SLCO6A1: variants seen among roughly 807,000 people sequenced by gnomAD.
The protein encoded by SLCO6A1 is cancer/testis antigen 48.
Under a neutral mutation model 72.7 loss-of-function variants are expected in SLCO6A1, and 65 were observed. That is an observed-to-expected ratio of 0.89 (90% CI 0.73 to 1.10). The LOEUF (loss-of-function observed/expected upper bound fraction) is 1.10, where lower values mean the gene tolerates loss of function less well. Ranked by LOEUF, SLCO6A1 falls within the 50% of genes least tolerant of loss-of-function variation. The probability of loss-of-function intolerance (pLI) is 0.00; values close to 1 mark genes in which losing one functional copy is unlikely to be tolerated. For synonymous variants in SLCO6A1, 314 were observed against 298.2 expected, an observed-to-expected ratio of 1.05 and a Z score of -0.55; for missense variants, 874 against 872.6, an observed-to-expected ratio of 1.00 and a Z score of -0.02.
At chr5:102,438,821 C>T in intron 6 of SLCO6A1, 60 bp from the exon 7 acceptor site, 1 of 1,243,132 alleles carries the variant, frequency 8.0e-7, no homozygotes, top group Non-Finnish European at 1.1e-6. Flanking sequence ...GAGGAATAGA[C>T]AGAACCAAAT....
intron 6 of SLCO6A1, among the ~76,000 whole-genome samples, chr5:102,443,403 G>A (rs775570950): frequency 2.4e-4 from 36 of 152,074 alleles, no homozygotes; most frequent in Admixed American, 1.3e-4. Flanking sequence ...TCAAAGTTGT[G>A]TTGTTTGAGT....
At chr5:102,451,863 A>C (rs772260013) in intron 6 of SLCO6A1, among the ~76,000 whole-genome samples, 2 of 152,206 alleles carry the variant, frequency 1.3e-5, no homozygotes, top group Non-Finnish European at 2.9e-5. Context: ...AGCTGCTTCT[A>C]GTCAGACATC....
chr5:102,423,186 CCAA>C (rs1748701185), intron 7 of SLCO6A1, among the ~76,000 whole-genome samples: 1 of 152,040 alleles, frequency 6.6e-6, no homozygotes, highest in Non-Finnish European at 1.5e-5. Flanking sequence ...AATATCATGA[CCAA>C]CAACACTATG....
chr5:102,397,930 A>G (rs1747186973), intron 10 of SLCO6A1, among the ~76,000 whole-genome samples: 1 of 152,180 alleles, frequency 6.6e-6, no homozygotes, highest in African/African-American at 2.4e-5. Flanking sequence ...AGTGAGATTC[A>G]GAACTAAACT....
intron 12 of SLCO6A1, among the ~76,000 whole-genome samples, chr5:102,379,790 A>T (rs982682479): frequency 5.4e-5 from 8 of 147,162 alleles, no homozygotes; most frequent in Non-Finnish European, 7.5e-5. Context: ...AAAAAAAAAA[A>T]TTTCTCTTGG....
chr5:102,407,491 A>C (rs2112571338), intron 9 of SLCO6A1, among the ~76,000 whole-genome samples: 1 of 152,306 alleles, frequency 6.6e-6, no homozygotes, highest in Admixed American at 6.5e-5. Flanking sequence ...CAAGGCCAAG[A>C]ACCTTCCCGG....
At chr5:102,375,513 C>T (rs1305146661) in intron 12 of SLCO6A1, among the ~76,000 whole-genome samples, 1 of 151,964 alleles carries the variant, frequency 6.6e-6, no homozygotes, top group African/African-American at 2.4e-5. Context: ...TGTTGCAAGA[C>T]ATATGAAAAA....
intron 6 of SLCO6A1, among the ~76,000 whole-genome samples, chr5:102,454,593 T>A (rs1750601785): frequency 6.6e-6 from 1 of 152,134 alleles, no homozygotes; most frequent in South Asian, 2.1e-4. Context: ...ATTATATGGT[T>A]TTATATCCTG....
intron 4 of SLCO6A1, among the ~76,000 whole-genome samples, chr5:102,473,178 A>G (rs1751718410): frequency 6.6e-6 from 1 of 151,960 alleles, no homozygotes; most frequent in African/African-American, 2.4e-5. Flanking sequence ...CTACAAGAAA[A>G]CTACAGACTA....
chr5:102,397,748 T>C (rs1747174609), intron 10 of SLCO6A1, among the ~76,000 whole-genome samples: 1 of 152,168 alleles, frequency 6.6e-6, no homozygotes, highest in Non-Finnish European at 1.5e-5. Context: ...CTGTTCCTTA[T>C]AACATCTTCT....
intron 7 of SLCO6A1, among the ~76,000 whole-genome samples, chr5:102,430,549 C>A (rs1332083701): frequency 6.6e-6 from 1 of 152,032 alleles, no homozygotes; most frequent in African/African-American, 2.4e-5. Context: ...TTCATCTATT[C>A]AGATGATCAT....
intron 4 of SLCO6A1, among the ~76,000 whole-genome samples, chr5:102,472,545 G>T (rs1434082531): frequency 1.3e-5 from 2 of 151,906 alleles, no homozygotes; most frequent in African/African-American, 4.8e-5. Context: ...GTAATTGATG[G>T]TACTAGTTCC....
intron 9 of SLCO6A1, among the ~76,000 whole-genome samples, chr5:102,405,703 T>A (rs1472922218): frequency 6.6e-6 from 1 of 152,112 alleles, no homozygotes; most frequent in African/African-American, 2.4e-5. Context: ...TTAAGGTAAA[T>A]GATGATGCTG....
intron 10 of SLCO6A1, among the ~76,000 whole-genome samples, chr5:102,395,852 T>C (rs533322761): frequency 1.3e-5 from 2 of 152,344 alleles, no homozygotes; most frequent in African/African-American, 4.8e-5. Context: ...TTGAGAAATG[T>C]CTGTTCATAT....
At chr5:102,380,589 T>C (rs1244284729) in intron 12 of SLCO6A1, among the ~76,000 whole-genome samples, 1 of 152,018 alleles carries the variant, frequency 6.6e-6, no homozygotes, top group Non-Finnish European at 1.5e-5. Flanking sequence ...CACTGTTGAG[T>C]AACCCATGCT....
intron 6 of SLCO6A1, among the ~76,000 whole-genome samples, chr5:102,455,945 T>C (rs1310033248): frequency 2.0e-5 from 3 of 152,188 alleles, no homozygotes; most frequent in Non-Finnish European, 4.4e-5. Flanking sequence ...GCAAGGCTGG[T>C]ACAACATATG....
intron 12 of SLCO6A1, among the ~76,000 whole-genome samples, chr5:102,378,591 A>T: frequency 6.9e-6 from 1 of 144,256 alleles, no homozygotes; most frequent in East Asian, 2.0e-4. Flanking sequence ...ATAGCAAACC[A>T]AAATTATGTA....
intron 4 of SLCO6A1, among the ~76,000 whole-genome samples, chr5:102,464,142 G>T (rs993757505): frequency 6.6e-6 from 1 of 151,174 alleles, no homozygotes; most frequent in Non-Finnish European, 1.5e-5. Context: ...AACCACTAAA[G>T]AACTTATTCA....
chr5:102,495,959 C>T (rs1752892288), intron 1 of SLCO6A1, among the ~76,000 whole-genome samples: 1 of 152,190 alleles, frequency 6.6e-6, no homozygotes, highest in African/African-American at 2.4e-5. Flanking sequence ...TAAAATATGA[C>T]AACTTAATGC....
Sources: gnomAD v4.1 joint callset for allele counts (sites outside exome capture counted in the v4.1 genomes callset) on GRCh38, gnomAD v4.1.1 for gene constraint, MANE v1.5 for transcripts, NCBI Gene and HGNC (gene_info 2026-07-23, HGNC 2026-07-21) for gene names.